Variants in CCNDBP1 observed in about 807,000 individuals in gnomAD.
CCNDBP1 encodes the protein cyclin-D1-binding protein 1.
Under a neutral mutation model 46.2 loss-of-function variants are expected in CCNDBP1, and 45 were observed. The ratio of observed to expected loss-of-function variants is 0.97; its 90% confidence interval spans 0.77 to 1.25. CCNDBP1 has a LOEUF of 1.25. CCNDBP1 is among the 50% of genes most tolerant of loss of function. CCNDBP1 has a pLI of 0.00. For synonymous variants in CCNDBP1, 154 were observed against 163.6 expected (o/e 0.94, Z 0.45); for missense variants, 436 against 442.1 (o/e 0.99, Z 0.12).
intron 10 of CCNDBP1, 65 bp downstream of exon 10, chr15:43,194,526 C>T (rs2042014004): frequency 7.7e-7 from 1 of 1,298,710 alleles, no homozygotes; most frequent in South Asian, 1.3e-5. Context: ...CAGACGTTCT[C>T]AACTCCCTAG....
At chr15:43,187,360 A>G (rs1161520687) in intron 3 of CCNDBP1, among the ~76,000 whole-genome samples, 1 of 150,712 alleles carries the variant, frequency 6.6e-6, no homozygotes, top group Non-Finnish European at 1.5e-5. Context: ...TCCTCTGCCT[A>G]CCGGGTTCAA....
Position 43,194,917 on chromosome 15 carries a change from C to A in CCNDBP1, c.*76C>A. 2.2e-6 allele frequency: 2 copies of A among 890,856 alleles called. No homozygotes were observed. The highest frequency in any genetic ancestry group is 1.5e-5 in the South Asian group (1 of 68,576). The allele number at this position is 890,856 out of a possible 1,614,324, so 55.2% of individuals were successfully genotyped here. A position where few individuals can be genotyped will look rare whatever the true frequency, so the allele number is the denominator to read the frequency against. ...TCTGATACCTGCTTTTAAAATGGAG[C>A]TAGAATGCTTGCTGGATTGAAAGGG... is the stretch of plus-strand genomic sequence containing the variant. On this transcript the variant is annotated 3_prime_UTR_variant, in exon 11 of 11. Transcript: ENST00000300213.
At chr15:43,192,105 G>T (rs1358151183) in intron 8 of CCNDBP1, among the ~76,000 whole-genome samples, 1 of 152,104 alleles carries the variant, frequency 6.6e-6, no homozygotes, top group Non-Finnish European at 1.5e-5. Flanking sequence ...TCAGGGTTCT[G>T]TCAAGGTCCC....
At chr15:43,191,774 T>A in intron 8 of CCNDBP1, 99 bp downstream of exon 8, 1 of 1,399,760 alleles carries the variant, frequency 7.1e-7, no homozygotes, top group Non-Finnish European at 9.5e-7. Context: ...TATTTTGAAA[T>A]TTTTCAAACC....
chr15:43,189,803 C>T (rs547841875), intron 4 of CCNDBP1: 1 of 500,406 alleles, frequency 2.0e-6, no homozygotes, highest in Admixed American at 3.5e-5. Context: ...AGATCACGGT[C>T]CTTAATGAAT....
In CCNDBP1 at chr15:43,189,101, A is replaced by AAAAAAAAAG. The variant is rs756151109; in HGVS notation, c.250-95_250-94insAAAAAGAAA. The AAAAAAAAAG allele has an allele frequency of 4.4e-4, 73 of 165,878 alleles. 9 individuals carry two copies. The highest frequency in any genetic ancestry group is 6.9e-4 in the African/African-American group (19 of 27,508). The allele number at this position is 165,878 out of a possible 1,614,324, so 10.3% of individuals were successfully genotyped here. A position where few individuals can be genotyped will look rare whatever the true frequency, so the allele number is the denominator to read the frequency against. On this transcript the variant is annotated intron_variant, in intron 3 of 10. Transcript: ENST00000300213. ...TCAAAAAAAAAAAAAAAAAAAAAAA[A>AAAAAAAAAG]AAAGAAAAAGAAAGAAAAGAAAAAG...
At position 43,189,265 on chromosome 15, in the gene CCNDBP1, C is replaced by A; in HGVS notation, c.316C>A (p.Leu106Ile). 6.2e-7 allele frequency: 1 copy of A among 1,605,244 alleles called. No individual in the cohort carries two copies. The highest frequency in any genetic ancestry group is 8.5e-7 in the Non-Finnish European group (1 of 1,173,306). Reference protein sequence around the residue: ...IKAFIAVYYLLPKDQGITLRK... With the variant: ...IKAFIAVYYLIPKDQGITLRK... ...GGCATTTATTGCAGTGTACTATTTGCTTCCAAAGGATCAGGGTAAGCCACA... is the reference window on the plus strand; with the variant it reads ...GGCATTTATTGCAGTGTACTATTTGATTCCAAAGGATCAGGGTAAGCCACA... Residue 106 changes from leucine (L) to isoleucine (I), a missense_variant, in exon 4 of 11, where the codon CTT becomes ATT. Physicochemically the swap from Leu to Ile is conservative, Grantham distance 5. Coordinates refer to ENST00000300213, the MANE Select transcript of CCNDBP1 (RefSeq NM_012142.5).
chr15:43,189,295 T>C lies in CCNDBP1; in HGVS notation c.331+15T>C. The stretch of plus-strand genomic sequence containing the variant: ...AAAGGATCAGGGTAAGCCACATAAG[T>C]GTTGCATTTATCGTGTAGATCTTTG... On this transcript the variant is annotated intron_variant, in intron 4 of 10. Transcript: ENST00000300213. 1 of 1,511,088 alleles carries C rather than the reference T, an allele frequency of 6.6e-7. No individual in the cohort carries two copies. The highest frequency in any genetic ancestry group is 9.1e-7 in the Non-Finnish European group (1 of 1,096,008). The allele number at this position is 1,511,088 out of a possible 1,614,324, so 93.6% of individuals were successfully genotyped here.
At chr15:43,193,027 G>A in intron 9 of CCNDBP1, 1 of 542,802 alleles carries the variant, frequency 1.8e-6, no homozygotes, top group South Asian at 2.5e-5. Flanking sequence ...ATAATCACCT[G>A]GGTAATCATT....
In CCNDBP1 at chr15:43,195,434, T is replaced by C. The variant is rs2042026310; in HGVS notation, c.*593T>C. The C allele has an allele frequency of 6.6e-6, 1 of 152,262 alleles. No homozygotes were observed. The highest frequency in any genetic ancestry group is 6.5e-5 in the Admixed American group (1 of 15,284). The allele number at this position is 152,262 out of a possible 1,614,324, so 9.4% of individuals were successfully genotyped here. A position where few individuals can be genotyped will look rare whatever the true frequency, so the allele number is the denominator to read the frequency against. On this transcript the variant is annotated 3_prime_UTR_variant, in exon 11 of 11. Coordinates refer to ENST00000300213, the MANE Select transcript of CCNDBP1 (RefSeq NM_012142.5). The stretch of plus-strand genomic sequence containing the variant: ...CACAGATTACTCCATGTCTCTAAAA[T>C]ATATTGGCATTGAGCTCATTTGTTA...
Position 43,195,063 on chromosome 15 carries a change from A to G in CCNDBP1, c.*222A>G, listed in dbSNP as rs577500523. ...TGTGCTATATATGAAAAATAATTGC[A>G]TGATTTCTCATTCCTGAGTCATTTC... On this transcript the variant is annotated 3_prime_UTR_variant, in exon 11 of 11. Transcript: ENST00000300213. 5.2e-6 allele frequency: 2 copies of G among 386,500 alleles called. No individual in the cohort carries two copies. The highest frequency in any genetic ancestry group is 8.1e-5 in the South Asian group (1 of 12,314). The allele number at this position is 386,500 out of a possible 1,614,324, so 23.9% of individuals were successfully genotyped here.
rs2041950648 is a variant in CCNDBP1 at position 43,191,411 on chromosome 15, AC to A, written c.599del (p.Pro200LeufsTer6). 4 of 1,547,988 alleles carry A rather than the reference AC, an allele frequency of 2.6e-6. No homozygotes were observed. The East Asian group carries it at 9.9e-5, about 38-fold the overall frequency. The stretch of plus-strand genomic sequence containing the variant: ...ATGTCTTAGGCTGTGGAAGAATGTG[AC>A]CCTTACTCTGGCCTCTTGAATGATA... The part of the protein sequence containing the change: ...EEMEQAVEEC[D>X]PYSGLLNDTE... On this transcript the variant is annotated frameshift_variant, in exon 8 of 11. Transcript: ENST00000300213. LOFTEE classifies it high-confidence loss of function.
intron 2 of CCNDBP1, 90 bp downstream of exon 2, chr15:43,185,969 G>A: frequency 7.7e-7 from 1 of 1,305,282 alleles, no homozygotes; most frequent in Non-Finnish European, 1.1e-6. Context: ...GGAGGGGACT[G>A]CTCTCCCCCG....
rs952394483 is a variant in CCNDBP1 at position 43,196,162 on chromosome 15, TAATATAAA to T, written c.*1322_*1329del. The T allele has an allele frequency of 6.6e-6, 1 of 152,162 alleles. No individual in the cohort carries two copies. The highest frequency in any genetic ancestry group is 1.5e-5 in the Non-Finnish European group (1 of 68,020). 9.4% of individuals were successfully genotyped at this position (152,162 alleles called of 1,614,324 possible). On this transcript the variant is annotated 3_prime_UTR_variant, in exon 11 of 11. Coordinates refer to ENST00000300213, the MANE Select transcript of CCNDBP1 (RefSeq NM_012142.5). ...GGGATACTTAATGAATATAGAACTC[TAATATAAA>T]GACTTACCTCTAGCTGAATTATTCT...
At position 43,189,308 on chromosome 15, in the gene CCNDBP1, G is replaced by A. The variant is rs374174194; in HGVS notation, c.331+28G>A. ...AAGCCACATAAGTGTTGCATTTATC[G>A]TGTAGATCTTTGCTAATATTGTGGA... On this transcript the variant is annotated intron_variant, in intron 4 of 10. Transcript: ENST00000300213. The A allele has an allele frequency of 2.8e-5, 38 of 1,359,252 alleles. 1 individual carries two copies. The highest frequency in any genetic ancestry group is 1.4e-4 in the South Asian group (11 of 80,116). The allele number at this position is 1,359,252 out of a possible 1,614,324, so 84.2% of individuals were successfully genotyped here.
intron 7 of CCNDBP1, 48 bp from the exon 8 acceptor site, chr15:43,191,343 CTTTT>C (rs3214529): frequency 0.039 from 26,323 of 667,228 alleles, 20 homozygotes; most frequent in East Asian, 0.046. Flanking sequence ...TAGGCCTCGC[CTTTT>C]TTTTTTTTTT....
rs1218544368 is a variant in CCNDBP1 at position 43,192,726 on chromosome 15, T to C, written c.861-17T>C. ...TGCGTTTTTTTGTTAATGATTACTTTTGTTTTCTGCTCTTAGTGTGGATGA... is the reference window on the plus strand; with the variant it reads ...TGCGTTTTTTTGTTAATGATTACTTCTGTTTTCTGCTCTTAGTGTGGATGA... On this transcript the variant is annotated splice_polypyrimidine_tract_variant and intron_variant, in intron 8 of 10. Coordinates refer to ENST00000300213, the MANE Select transcript of CCNDBP1 (RefSeq NM_012142.5). 6.2e-7 allele frequency: 1 copy of C among 1,613,528 alleles called. No individual in the cohort carries two copies. The highest frequency in any genetic ancestry group is 8.5e-7 in the Non-Finnish European group (1 of 1,179,448).
chr15:43,190,361 C>G lies in CCNDBP1; in HGVS notation c.465C>G (p.Val155=). 6.2e-7 allele frequency: 1 copy of G among 1,614,164 alleles called. No individual in the cohort carries two copies. The highest frequency in any genetic ancestry group is 8.5e-7 in the Non-Finnish European group (1 of 1,180,034). Residue 155 remains valine, a synonymous_variant, in exon 6 of 11, where the codon GTC becomes GTG. Transcript: ENST00000300213. Reference sequence around the variant, plus strand: ...ATGACCTTATTTCCTACAACAGTGTCTGGGTTGCGTGCCAGCAGATGCCTC... The same window carrying G: ...ATGACCTTATTTCCTACAACAGTGTGTGGGTTGCGTGCCAGCAGATGCCTC... ...ENNDLISYNS[V]WVACQQMPQI...
Position 43,186,141 on chromosome 15 carries a change from G to C in CCNDBP1, c.170-13G>C, listed in dbSNP as rs779423715. The C allele has an allele frequency of 2.5e-6, 4 of 1,613,452 alleles. No homozygotes were observed. In the Admixed American group the frequency reaches 6.7e-5, roughly 27 times the overall value. On this transcript the variant is annotated splice_polypyrimidine_tract_variant and intron_variant, in intron 2 of 10. Coordinates refer to ENST00000300213, the MANE Select transcript of CCNDBP1 (RefSeq NM_012142.5). Reference sequence around the variant, plus strand: ...ACGTATTGGCACCTGCCTCCTCTTCGGCCACCCCCCAGATGAGGCAGCTGT... The same window carrying C: ...ACGTATTGGCACCTGCCTCCTCTTCCGCCACCCCCCAGATGAGGCAGCTGT...
Sources: allele counts gnomAD v4.1 joint callset (sites outside exome capture counted in the v4.1 genomes callset), GRCh38; gene constraint gnomAD v4.1.1; transcripts MANE v1.5; gene names NCBI Gene and HGNC (gene_info 2026-07-23, HGNC 2026-07-21).